The following RHBDL2 variants were observed in gnomAD, a reference collection of about 807,000 sequenced individuals.
RHBDL2 encodes rhomboid-related protein 2.
Under a neutral mutation model 31.7 loss-of-function variants are expected in RHBDL2, and 26 were observed. The observed-to-expected ratio is 0.82, with a 90% CI of 0.60 to 1.14. RHBDL2 has a LOEUF of 1.14. RHBDL2 is among the 50% of genes most tolerant of loss of function. RHBDL2 has a pLI of 0.00. For missense variants in RHBDL2, 336 were observed against 364.4 expected (o/e 0.92, Z 0.63); for synonymous variants, 123 against 127.2 (o/e 0.97, Z 0.22).
At position 38,941,798 on chromosome 1, in the gene RHBDL2, C is replaced by T. The variant is rs1643563529; in HGVS notation, c.-242G>A. 1 of 152,566 alleles carries T rather than the reference C, an allele frequency of 6.6e-6. No individual in the cohort carries two copies. The highest frequency in any genetic ancestry group is 2.4e-5 in the African/African-American group (1 of 41,470). 9.5% of individuals were successfully genotyped at this position (152,566 alleles called of 1,614,324 possible). On this transcript the variant is annotated 5_prime_UTR_variant, in exon 1 of 8. Transcript: ENST00000372990. Reference sequence around the variant, plus strand: ...AGATCCCGCTCTGCCAGGCGCTCCTCCGTCCCTCCCCAAACAAAAATCCTC... The same window carrying T: ...AGATCCCGCTCTGCCAGGCGCTCCTTCGTCCCTCCCCAAACAAAAATCCTC...
chr1:38,895,994 C>A lies in RHBDL2; in HGVS notation c.584G>T (p.Gly195Val). The change falls in exon 5 of 8, where the codon GGA (glycine) becomes GTA (valine). Residue 195 changes from glycine (G) to valine (V), a missense_variant. Gly to Val is a moderately radical substitution (Grantham distance 109). Transcript: ENST00000372990. ...CACCAGAACATTCATAAAATAGCCT[C>A]CCATCAGAGCATAGACTCCTCCTGA... ...GASGGVYALM[G>V]GYFMNVLVNF... The A allele has an allele frequency of 6.2e-7, 1 of 1,613,364 alleles. No individual in the cohort carries two copies. The highest frequency in any genetic ancestry group is 1.1e-5 in the South Asian group (1 of 91,048).
intron 4 of RHBDL2, among the ~76,000 whole-genome samples, chr1:38,905,785 A>G (rs1465961754): frequency 6.7e-6 from 1 of 149,862 alleles, no homozygotes; most frequent in Non-Finnish European, 1.5e-5. Context: ...GCAGTGGCTC[A>G]GGCCAGGCAT....
chr1:38,887,907 AC>A, intron 7 of RHBDL2, 55 bp downstream of exon 7: 5 of 1,275,998 alleles, frequency 3.9e-6, no homozygotes, highest in Non-Finnish European at 4.5e-6. Flanking sequence ...CTATTTGATA[AC>A]CCTTTTTGAC....
chr1:38,932,435 A>C (rs1643448539), intron 1 of RHBDL2, among the ~76,000 whole-genome samples: 1 of 152,008 alleles, frequency 6.6e-6, no homozygotes, highest in African/African-American at 2.4e-5. Flanking sequence ...ATAATTATGA[A>C]GAAATAAAAT....
At chr1:38,920,923 C>A (rs1643305823) in intron 1 of RHBDL2, among the ~76,000 whole-genome samples, 1 of 151,962 alleles carries the variant, frequency 6.6e-6, no homozygotes, top group South Asian at 2.1e-4. Flanking sequence ...CACAAGTTTT[C>A]TTTAAACATC....
At chr1:38,906,456 T>G (rs984720237) in intron 4 of RHBDL2, among the ~76,000 whole-genome samples, 47 of 151,980 alleles carry the variant, frequency 3.1e-4, no homozygotes, top group African/African-American at 1.1e-3. Flanking sequence ...GGGCAGATCA[T>G]GAGGTCAGGA....
chr1:38,892,511 G>A (rs892380157), intron 6 of RHBDL2, among the ~76,000 whole-genome samples: 3 of 152,130 alleles, frequency 2.0e-5, no homozygotes, highest in Admixed American at 6.6e-5. Context: ...CCACCCATGA[G>A]AGCCTGTAAA....
intron 3 of RHBDL2, 108 bp from the exon 4 acceptor site, chr1:38,911,542 A>G: frequency 2.8e-6 from 2 of 710,822 alleles, no homozygotes; most frequent in Non-Finnish European, 4.8e-6. Context: ...GATTTGCTTA[A>G]CTAGAATTCC....
At chr1:38,938,277 A>C (rs1235489470) in intron 1 of RHBDL2, among the ~76,000 whole-genome samples, 1 of 152,062 alleles carries the variant, frequency 6.6e-6, no homozygotes, top group Non-Finnish European at 1.5e-5. Context: ...GGCCTCCCAA[A>C]GTGCTGGGAT....
chr1:38,939,827 C>T (rs940612451), intron 1 of RHBDL2, among the ~76,000 whole-genome samples: 29 of 152,068 alleles, frequency 1.9e-4, no homozygotes, highest in Non-Finnish European at 4.1e-4. Context: ...CTACGGCTGG[C>T]GTGAGCCACC....
At chr1:38,900,140 C>T (rs1302581125) in intron 4 of RHBDL2, among the ~76,000 whole-genome samples, 3 of 152,166 alleles carry the variant, frequency 2.0e-5, no homozygotes, top group Admixed American at 1.3e-4. Flanking sequence ...GTATTTATGG[C>T]CTGGAGCAGT....
chr1:38,911,645 T>TGTGC (rs1409917902), intron 3 of RHBDL2, among the ~76,000 whole-genome samples: 42 of 64,054 alleles, frequency 6.6e-4, no homozygotes, highest in Non-Finnish European at 1.5e-3. Flanking sequence ...TGTGTGTGTG[T>TGTGC]GCGCGCGCGC....
intron 1 of RHBDL2, among the ~76,000 whole-genome samples, chr1:38,921,652 C>CTT (rs1475507996): frequency 1.3e-5 from 2 of 152,082 alleles, no homozygotes; most frequent in African/African-American, 4.8e-5. Flanking sequence ...TTCTTTTCCC[C>CTT]AGCAAATTTT....
intron 6 of RHBDL2, among the ~76,000 whole-genome samples, chr1:38,888,965 G>A (rs1642819870): frequency 6.6e-6 from 1 of 152,160 alleles, no homozygotes; most frequent in South Asian, 2.1e-4. Flanking sequence ...TAAGGTTGTG[G>A]GTGATGAGGT....
chr1:38,929,607 C>G (rs550857923), intron 1 of RHBDL2: 14 of 1,268,462 alleles, frequency 1.1e-5, no homozygotes, highest in Non-Finnish European at 1.4e-5. Context: ...GGCTGAGACC[C>G]GCCTTGATGT....
chr1:38,886,432 C>T lies in RHBDL2; in HGVS notation c.*72G>A. 1.7e-6 allele frequency: 2 copies of T among 1,203,996 alleles called. No homozygotes were observed. The highest frequency in any genetic ancestry group is 2.3e-6 in the Non-Finnish European group (2 of 881,846). 74.6% of individuals were successfully genotyped at this position (1,203,996 alleles called of 1,614,324 possible). A position where few individuals can be genotyped will look rare whatever the true frequency, so the allele number is the denominator to read the frequency against. ...CTTTTCTGAGACTTCTCTGTTTCTTCATAGAGTCTTCCTTTTTTTTTTATT... is the reference window on the plus strand; with the variant it reads ...CTTTTCTGAGACTTCTCTGTTTCTTTATAGAGTCTTCCTTTTTTTTTTATT... On this transcript the variant is annotated 3_prime_UTR_variant, in exon 8 of 8. Coordinates refer to ENST00000372990, the MANE Select transcript of RHBDL2 (RefSeq NM_017821.5).
intron 7 of RHBDL2, among the ~76,000 whole-genome samples, 174 bp downstream of exon 7, chr1:38,887,789 C>T (rs576206754): frequency 6.6e-6 from 1 of 152,106 alleles, no homozygotes; most frequent in Non-Finnish European, 1.5e-5. Context: ...GTGATCAGGG[C>T]TGTGAGAGAG....
At chr1:38,900,689 G>A (rs1570918000) in intron 4 of RHBDL2, among the ~76,000 whole-genome samples, 1 of 151,928 alleles carries the variant, frequency 6.6e-6, no homozygotes, top group Non-Finnish European at 1.5e-5. Context: ...TCATGCCACC[G>A]CACTCCAGCC....
chr1:38,914,690 T>A (rs1643204532), intron 3 of RHBDL2, among the ~76,000 whole-genome samples: 1 of 152,104 alleles, frequency 6.6e-6, no homozygotes. Context: ...TCTCTTCTCA[T>A]TAATATTCCT....
Sources: gnomAD v4.1 joint callset for allele counts (sites outside exome capture counted in the v4.1 genomes callset) on GRCh38, gnomAD v4.1.1 for gene constraint, MANE v1.5 for transcripts, NCBI Gene and HGNC (gene_info 2026-07-23, HGNC 2026-07-21) for gene names.